The following LRRC1 variants were observed in gnomAD, a reference collection of about 807,000 sequenced individuals.
The protein encoded by LRRC1 is leucine rich repeat containing 1, also known as leucine-rich repeat-containing protein 1.
In LRRC1, 28 loss-of-function variants were observed where a neutral mutation model predicts 69.9. The observed-to-expected ratio is 0.40, with a 90% CI of 0.30 to 0.55. The LOEUF (loss-of-function observed/expected upper bound fraction) is 0.55. Ranked by LOEUF, LRRC1 falls within the 20% of genes least tolerant of loss-of-function variation. The probability of loss-of-function intolerance (pLI) is 0.47; values close to 1 mark genes in which losing one functional copy is unlikely to be tolerated. For missense variants in LRRC1, 498 were observed against 609.0 expected, an observed-to-expected ratio of 0.82 and a Z score of 1.92; for synonymous variants, 236 against 240.2, an observed-to-expected ratio of 0.98 and a Z score of 0.16.
chr6:53,868,840 C>T (rs1178187700), intron 2 of LRRC1, among the ~76,000 whole-genome samples: 1 of 152,180 alleles, frequency 6.6e-6, no homozygotes, highest in African/African-American at 2.4e-5. Context: ...AGGGATCACC[C>T]TCTCATCACT....
intron 1 of LRRC1, among the ~76,000 whole-genome samples, chr6:53,839,283 A>G (rs1173515081): frequency 6.6e-6 from 1 of 152,132 alleles, no homozygotes; most frequent in Non-Finnish European, 1.5e-5. Context: ...GCTTTCCAAG[A>G]GGCAATTGTA....
chr6:53,909,596 T>C (rs1219940483), intron 10 of LRRC1, among the ~76,000 whole-genome samples: 1 of 149,818 alleles, frequency 6.7e-6, no homozygotes, highest in Non-Finnish European at 1.5e-5. Flanking sequence ...TGTAAGGTAC[T>C]TTTTTATAAT....
intron 2 of LRRC1, among the ~76,000 whole-genome samples, chr6:53,853,927 G>C (rs1766226859): frequency 1.3e-5 from 2 of 152,218 alleles, no homozygotes; most frequent in African/African-American, 4.8e-5. Flanking sequence ...ACTAAGCACT[G>C]TGATGGGGCA....
intron 2 of LRRC1, among the ~76,000 whole-genome samples, chr6:53,861,071 C>T (rs1766495912): frequency 6.6e-6 from 1 of 152,078 alleles, no homozygotes; most frequent in African/African-American, 2.4e-5. Context: ...GAAAAACTGC[C>T]TATTGGGTAT....
Position 53,919,574 on chromosome 6 carries a change from C to T in LRRC1, c.1183C>T (p.Leu395=). ...LWLSDNQSQP[L]LTFQTDTDYT... Reference sequence around the variant, plus strand: ...GCTATCTGACAACCAGTCCCAGCCCCTGCTTACATTCCAGACAGACACAGA... The same window carrying T: ...GCTATCTGACAACCAGTCCCAGCCCTTGCTTACATTCCAGACAGACACAGA... The change falls in exon 12 of 14, where the codon CTG becomes TTG. Residue 395 remains leucine (L), a synonymous_variant. Coordinates refer to ENST00000370888, the MANE Select transcript of LRRC1 (RefSeq NM_018214.5). 1 of 1,613,888 alleles carries T rather than the reference C, an allele frequency of 6.2e-7. No individual in the cohort carries two copies. Among genetic ancestry groups the T allele is most frequent in the Non-Finnish European group, 8.5e-7 (1 of 1,179,964 alleles).
intron 10 of LRRC1, among the ~76,000 whole-genome samples, chr6:53,913,347 C>T (rs1416854484): frequency 6.6e-6 from 1 of 151,372 alleles, no homozygotes; most frequent in African/African-American, 2.4e-5. Flanking sequence ...GTAAGATACC[C>T]CTCTTTTTGA....
intron 10 of LRRC1, among the ~76,000 whole-genome samples, chr6:53,910,295 GTTAT>G (rs1023956496): frequency 6.6e-6 from 1 of 152,114 alleles, no homozygotes; most frequent in Admixed American, 6.5e-5. Flanking sequence ...CTGGTAATAA[GTTAT>G]TTAAACAGTG....
chr6:53,905,531 A>G (rs368629090), intron 10 of LRRC1, among the ~76,000 whole-genome samples: 3 of 152,154 alleles, frequency 2.0e-5, no homozygotes, highest in African/African-American at 7.2e-5. Context: ...TCCTTGGATG[A>G]TATGATCACT....
chr6:53,888,935 G>A (rs764403877), intron 4 of LRRC1, among the ~76,000 whole-genome samples: 1 of 152,042 alleles, frequency 6.6e-6, no homozygotes, highest in African/African-American at 2.4e-5. Context: ...CACAGAATGG[G>A]AAAAAATATT....
chr6:53,875,261 C>A (rs12201913), intron 2 of LRRC1, among the ~76,000 whole-genome samples: 21,083 of 151,988 alleles, frequency 0.14, 1,562 homozygotes, highest in South Asian at 0.17. Context: ...CCTAAATGCC[C>A]AACAATGGAG....
chr6:53,849,496 T>TGTGAATCTGG (rs1430660189), intron 2 of LRRC1, among the ~76,000 whole-genome samples: 29 of 152,198 alleles, frequency 1.9e-4, no homozygotes, highest in Admixed American at 1.9e-3. Flanking sequence ...CATTTTGCCG[T>TGTGAATCTGG]GTGAATCTGG....
intron 9 of LRRC1, 107 bp downstream of exon 9, chr6:53,902,854 C>T (rs79494319): frequency 0.23 from 160,683 of 691,340 alleles, 20,606 homozygotes; most frequent in East Asian, 0.27. Flanking sequence ...CATCCCAAAA[C>T]GGTCTTACAA....
intron 1 of LRRC1, among the ~76,000 whole-genome samples, chr6:53,837,988 G>T (rs1380631395): frequency 6.6e-6 from 1 of 152,188 alleles, no homozygotes; most frequent in Non-Finnish European, 1.5e-5. Context: ...AATGGTGTCT[G>T]TGTGTTCTGT....
chr6:53,867,539 T>G (rs1256688623), intron 2 of LRRC1, among the ~76,000 whole-genome samples: 1 of 152,228 alleles, frequency 6.6e-6, no homozygotes, highest in African/African-American at 2.4e-5. Context: ...GGAAAAAGAT[T>G]AATTTTACAA....
chr6:53,863,430 C>A (rs1423731475), intron 2 of LRRC1, among the ~76,000 whole-genome samples: 2 of 152,240 alleles, frequency 1.3e-5, no homozygotes, highest in African/African-American at 4.8e-5. Context: ...GTTTCTTACA[C>A]TGTTCCAGGT....
At position 53,804,789 on chromosome 6, in the gene LRRC1, A is replaced by G. The variant is rs559243325; in HGVS notation, c.159+9374A>G. ...TTCAAGAAGCATATTTGCTGAATCAATGGATATGTACTTTACAAAATATTG... is the reference window on the plus strand; with the variant it reads ...TTCAAGAAGCATATTTGCTGAATCAGTGGATATGTACTTTACAAAATATTG... On this transcript the variant is annotated intron_variant, in intron 1 of 13. Coordinates refer to ENST00000370888, the MANE Select transcript of LRRC1 (RefSeq NM_018214.5). Among the ~76,000 whole-genome samples the G allele has an allele frequency of 4.6e-5, 7 of 152,360 alleles. No individual in the cohort carries two copies. The East Asian group carries it at 7.7e-4, about 17-fold the overall frequency.
rs550045635 is a variant in LRRC1, at chr6:53,800,678, C to T, written c.159+5263C>T. Among the ~76,000 whole-genome samples the T allele has an allele frequency of 1.6e-4, 25 of 151,624 alleles. No homozygotes were observed. In the South Asian group the frequency reaches 5.2e-3, roughly 32 times the overall value. The stretch of plus-strand genomic sequence containing the variant: ...TTTTTTAGACGGAATCTCACTCTGT[C>T]GCCCAGTCTGGAGTGTGGTGATGCA... On this transcript the variant is annotated intron_variant, in intron 1 of 13. Transcript: ENST00000370888.
chr6:53,919,229 CTTTTTTTTT>C (rs879406589), intron 11 of LRRC1: 18 of 72,282 alleles, frequency 2.5e-4, no homozygotes, highest in African/African-American at 7.4e-4. Context: ...TTTTCTCTCT[CTTTTTTTTT>C]TTTTTTTTTT....
In LRRC1 at chr6:53,820,661, A is replaced by T. The variant is rs188613018; in HGVS notation, c.160-21449A>T. Among the ~76,000 whole-genome samples, 13 of 152,088 alleles carry T rather than the reference A, an allele frequency of 8.5e-5. No individual in the cohort carries two copies. In the East Asian group the frequency reaches 1.9e-3, roughly 23 times the overall value. The stretch of plus-strand genomic sequence containing the variant: ...GGATACTGTAAGAGGTTATCAGGTT[A>T]TCACCTACCTTAGTGAATTCCAGAT... On this transcript the variant is annotated intron_variant, in intron 1 of 13. Coordinates refer to ENST00000370888, the MANE Select transcript of LRRC1 (RefSeq NM_018214.5).
Sources: gnomAD v4.1 joint callset for allele counts (sites outside exome capture counted in the v4.1 genomes callset) on GRCh38, gnomAD v4.1.1 for gene constraint, MANE v1.5 for transcripts, NCBI Gene and HGNC (gene_info 2026-07-23, HGNC 2026-07-21) for gene names.